Variants in MECOM observed in about 807,000 individuals in gnomAD.
MECOM encodes MDS1 and EVI1 complex locus.
In MECOM, 13 loss-of-function variants were observed where a neutral mutation model predicts 116.3. The ratio of observed to expected loss-of-function variants is 0.11; its 90% CI spans 0.07 to 0.18. The LOEUF is 0.18. Among genes scored for constraint, MECOM ranks in the 10% least tolerant of loss-of-function variants. The pLI is 1.00. For missense variants in MECOM, 1,299 were observed against 1,509.0 expected (o/e 0.86, Z 2.31); for synonymous variants, 528 against 535.2 (o/e 0.99, Z 0.19).
Position 169,191,716 on chromosome 3 carries a change from GAAAA to G in MECOM, c.376-47888_376-47885del, listed in dbSNP as rs5854314. ...AAGAGATAGAAAAGAAAGAAAGAAA[GAAAA>G]AAAGAAAGAAAGAAAGAAAGAGAAA... On this transcript the variant is annotated intron_variant, in intron 2 of 16. Transcript: ENST00000651503. Among the ~76,000 whole-genome samples, 413 of 118,374 alleles carry G rather than the reference GAAAA, an allele frequency of 3.5e-3. 7 individuals are homozygous for G. The highest frequency in any genetic ancestry group is 0.025 in the East Asian group (79 of 3,148). The allele number at this position is 118,374 out of a possible 152,430, so 77.7% of individuals were successfully genotyped here.
At position 169,641,468 on chromosome 3, in the gene MECOM, T is replaced by A. The variant is rs150634283; in HGVS notation, c.37+21868A>T. Among the ~76,000 whole-genome samples the A allele has an allele frequency of 6.9e-3, 1,056 of 152,332 alleles. 40 individuals are homozygous for A. The South Asian group carries it at 0.11, about 16-fold the overall frequency. Reference sequence around the variant, plus strand: ...CAATGGAGAGATTTGACGCTATTCATTGAGGGTTTCACTACGTATCTGTGG... The same window carrying A: ...CAATGGAGAGATTTGACGCTATTCAATGAGGGTTTCACTACGTATCTGTGG... On this transcript the variant is annotated intron_variant, in intron 1 of 16. Transcript: ENST00000651503.
chr3:169,247,535 C>T (rs937904497), intron 2 of MECOM, among the ~76,000 whole-genome samples: 11 of 152,192 alleles, frequency 7.2e-5, no homozygotes, highest in Admixed American at 4.6e-4. Flanking sequence ...AACTCCCGAC[C>T]TCAGGTGATC....
chr3:169,498,521 C>A (rs995813276), intron 1 of MECOM, among the ~76,000 whole-genome samples: 2 of 152,164 alleles, frequency 1.3e-5, no homozygotes, highest in African/African-American at 4.8e-5. Context: ...GGGCCTGAGC[C>A]TGCCCCACAC....
chr3:169,404,692 G>A (rs1010600875), intron 1 of MECOM, among the ~76,000 whole-genome samples: 9 of 152,106 alleles, frequency 5.9e-5, no homozygotes, highest in Non-Finnish European at 1.0e-4. Flanking sequence ...ACCAGAGAGC[G>A]CCACGCAGAG....
At chr3:169,213,324 G>T (rs924268120) in intron 2 of MECOM, among the ~76,000 whole-genome samples, 1 of 151,962 alleles carries the variant, frequency 6.6e-6, no homozygotes, top group Admixed American at 6.6e-5. Context: ...ACTGAAAAGT[G>T]TTCTGGAAGA....
intron 1 of MECOM, among the ~76,000 whole-genome samples, chr3:169,634,669 T>C (rs953074177): frequency 3.3e-5 from 5 of 152,116 alleles, no homozygotes; most frequent in African/African-American, 1.2e-4. Context: ...AGTTCTCTTT[T>C]TCAAATGTCT....
intron 1 of MECOM, among the ~76,000 whole-genome samples, chr3:169,550,772 C>A (rs972203796): frequency 1.3e-5 from 2 of 151,348 alleles, no homozygotes; most frequent in South Asian, 4.2e-4. Flanking sequence ...AGATTTCTGT[C>A]ATGGAAAACA....
intron 1 of MECOM, among the ~76,000 whole-genome samples, chr3:169,635,066 A>C (rs866618657): frequency 1.3e-5 from 2 of 152,092 alleles, no homozygotes; most frequent in African/African-American, 4.8e-5. Flanking sequence ...AGGCTCATGC[A>C]GTTCAGCCCT....
intron 2 of MECOM, among the ~76,000 whole-genome samples, chr3:169,219,114 T>G (rs772296333): frequency 3.3e-5 from 5 of 152,168 alleles, no homozygotes; most frequent in Non-Finnish European, 7.3e-5. Flanking sequence ...TATCACAGAA[T>G]CAAAGGAATT....
intron 2 of MECOM, chr3:169,146,713 GT>G: frequency 8.0e-7 from 1 of 1,244,116 alleles, no homozygotes; most frequent in Non-Finnish European, 1.0e-6. Flanking sequence ...AAAGTGAGGA[GT>G]TCTCTTACCT....
rs184632215 is a variant in MECOM at position 169,372,139 on chromosome 3, A to G, written c.375+9048T>C. ...CATAAGAGATATTCACTCTCTACTC[A>G]TGTCATTATGTTCTATGTGTAAATG... On this transcript the variant is annotated intron_variant, in intron 2 of 16. Coordinates refer to ENST00000651503, the MANE Select transcript of MECOM (RefSeq NM_004991.4). Among the ~76,000 whole-genome samples the G allele has an allele frequency of 1.3e-3, 194 of 152,100 alleles. 2 individuals carry two copies. Among genetic ancestry groups the G allele is most frequent in the Admixed American group, 0.01 (158 of 15,252 alleles).
intron 1 of MECOM, among the ~76,000 whole-genome samples, chr3:169,452,766 G>A (rs1745819550): frequency 6.6e-6 from 1 of 152,116 alleles, no homozygotes. Flanking sequence ...ACCTAATTTG[G>A]CTAACCCTGG....
At chr3:169,653,995 G>A (rs976598173) in intron 1 of MECOM, among the ~76,000 whole-genome samples, 6 of 152,152 alleles carry the variant, frequency 3.9e-5, no homozygotes, top group Non-Finnish European at 7.4e-5. Context: ...TAAAGATTGA[G>A]AATGAGGTGA....
At chr3:169,424,763 G>A (rs1049709778) in intron 1 of MECOM, among the ~76,000 whole-genome samples, 1 of 152,068 alleles carries the variant, frequency 6.6e-6, no homozygotes, top group African/African-American at 2.4e-5. Context: ...CCTTGTACCA[G>A]AAAATATCCT....
intron 2 of MECOM, among the ~76,000 whole-genome samples, chr3:169,297,063 CT>C (rs1489160098): frequency 6.6e-6 from 1 of 152,216 alleles, no homozygotes; most frequent in Non-Finnish European, 1.5e-5. Flanking sequence ...ATTAAATTGT[CT>C]TTAGTAATAC....
intron 10 of MECOM, among the ~76,000 whole-genome samples, chr3:169,105,336 C>T (rs4645171): frequency 0.63 from 95,954 of 151,986 alleles, 30,466 homozygotes; most frequent in Admixed American, 0.68. Flanking sequence ...ATTGGATTAA[C>T]ACGAACTCTA....
chr3:169,378,540 A>G lies in MECOM; in HGVS notation c.375+2647T>C, dbSNP rs891759742. ...AAAGAAAGAAAGAAAGAAAGAAAGA[A>G]AGAAAGAAAGAAAGAAAGAAAGAAA... On this transcript the variant is annotated intron_variant, in intron 2 of 16. Transcript: ENST00000651503. 1.2e-4 allele frequency among the ~76,000 whole-genome samples: 14 copies of G among 119,678 alleles called. 1 individual carries two copies. The highest frequency in any genetic ancestry group is 2.1e-4 in the African/African-American group (6 of 28,616). The allele number at this position is 119,678 out of a possible 152,430, so 78.5% of individuals were successfully genotyped here. A position where few individuals can be genotyped will look rare whatever the true frequency, so the allele number is the denominator to read the frequency against.
intron 12 of MECOM, among the ~76,000 whole-genome samples, chr3:169,100,418 C>A (rs535106424): frequency 3.9e-5 from 6 of 151,976 alleles, no homozygotes; most frequent in African/African-American, 1.5e-4. Flanking sequence ...TCCTTTAAAC[C>A]TCCTATTGGA....
At chr3:169,613,423 A>C (rs1769527948) in intron 1 of MECOM, 1 of 152,162 alleles carries the variant, frequency 6.6e-6, no homozygotes, top group African/African-American at 2.4e-5. Flanking sequence ...TTTGGAAGGG[A>C]CACTCAGGAC....
Sources: allele counts gnomAD v4.1 joint callset (sites outside exome capture counted in the v4.1 genomes callset), GRCh38; gene constraint gnomAD v4.1.1; transcripts MANE v1.5; gene names NCBI Gene and HGNC (gene_info 2026-07-23, HGNC 2026-07-21).